The following C16orf89 variants were observed in gnomAD, a reference collection of about 807,000 sequenced individuals.
C16orf89 encodes the protein chromosome 16 open reading frame 89.
C16orf89 carries 57 observed loss-of-function variants against 41.5 expected under a neutral mutation model. That is an observed-to-expected ratio of 1.38 (90% CI 1.11 to 1.71). C16orf89 has a LOEUF of 1.71. Among genes scored for constraint, C16orf89 ranks in the 40% most tolerant of loss-of-function variants. C16orf89 has a pLI of 0.00. For missense variants in C16orf89, 575 were observed against 445.9 expected (o/e 1.29, Z -2.61); for synonymous variants, 223 against 190.6 (o/e 1.17, Z -1.40).
intron 7 of C16orf89, 82 bp downstream of exon 7, chr16:5,047,796 T>A: frequency 1.2e-6 from 1 of 820,470 alleles, no homozygotes; most frequent in East Asian, 2.6e-5. Context: ...TTTTCTTCCA[T>A]AGCAGAGAAT....
chr16:5,053,207 T>G (rs1293255455), intron 6 of C16orf89, among the ~76,000 whole-genome samples: 1 of 151,940 alleles, frequency 6.6e-6, no homozygotes, highest in Admixed American at 6.6e-5. Context: ...CCCTCTCTAC[T>G]AAAAATACAA....
chr16:5,060,490 T>C (rs975196468), intron 2 of C16orf89, 54 bp from the exon 3 acceptor site: 1 of 1,534,646 alleles, frequency 6.5e-7, no homozygotes, highest in Non-Finnish European at 8.9e-7. Flanking sequence ...CCAGGAGCAG[T>C]GGGCCACCCT....
chr16:5,057,996 A>G (rs988967352), intron 4 of C16orf89, among the ~76,000 whole-genome samples: 16 of 152,240 alleles, frequency 1.1e-4, no homozygotes, highest in African/African-American at 3.4e-4. Flanking sequence ...AATCGGCTCA[A>G]TTACACAGCA....
intron 5 of C16orf89, chr16:5,055,729 G>A: frequency 2.0e-6 from 3 of 1,474,260 alleles, no homozygotes; most frequent in Non-Finnish European, 2.7e-6. Context: ...GCAGCCTTTG[G>A]GGGCAGGAAA....
At chr16:5,063,792 G>A (rs1956677542) in intron 1 of C16orf89, among the ~76,000 whole-genome samples, 1 of 152,146 alleles carries the variant, frequency 6.6e-6, no homozygotes, top group African/African-American at 2.4e-5. Flanking sequence ...ATTCTACATT[G>A]TGGCGAGTTG....
At chr16:5,044,016 G>T, downstream of C16orf89, 2 of 626,766 alleles carry the variant, frequency 3.2e-6, no homozygotes, top group Non-Finnish European at 4.0e-6. Flanking sequence ...AAAAAAAAAG[G>T]AAAAAAGAAA....
rs372562360 is a variant in C16orf89 at position 5,055,315 on chromosome 16, A to C, written c.799T>G (p.Tyr267Asp). The C allele has an allele frequency of 1.4e-4, 224 of 1,613,154 alleles. 3 individuals are homozygous for C. In the South Asian group the frequency reaches 2.1e-3, roughly 15 times the overall value. Residue 267 changes from tyrosine to aspartate, a missense_variant, in exon 6 of 8, where the codon TAC becomes GAC. Tyr to Asp is a radical substitution (Grantham distance 160). Transcript: ENST00000472572. ...FCGMGGFSDF[Y>D]KLRWLEAILS... ...ATGGCCTCCAGCCACCGGAGCTTGT[A>C]GAAGTCGGAGAAGCCGCCCATTCCA... is the stretch of plus-strand genomic sequence containing the variant.
chr16:5,060,293 C>T lies in C16orf89; in HGVS notation c.502G>A (p.Gly168Arg). 6.2e-7 allele frequency: 1 copy of T among 1,608,692 alleles called. No individual in the cohort carries two copies. Among genetic ancestry groups the T allele is most frequent in the Non-Finnish European group, 8.5e-7 (1 of 1,177,212 alleles). ...RSDVCLVQLL[G>R]TGTDSSEPCG... ...GGCAAGTGCAGGGCCCACCCGGTTC[C>T]CAGCAGCTGCACCAGGCACACGTCA... The change falls in exon 3 of 8, where the codon GGA becomes AGA. Residue 168 changes from glycine (G) to arginine (R), a missense_variant. Physicochemically the swap from Gly to Arg is moderately radical, Grantham distance 125 (BLOSUM62 -2). Transcript: ENST00000472572.
At chr16:5,055,602 T>C (rs1025021329) in intron 5 of C16orf89, 77 of 1,371,816 alleles carry the variant, frequency 5.6e-5, no homozygotes, top group Non-Finnish European at 7.6e-5. Context: ...GTGGAGGAGT[T>C]TGGACACCCC....
intron 1 of C16orf89, 46 bp from the exon 2 acceptor site, chr16:5,062,620 C>A (rs777242737): frequency 6.6e-7 from 1 of 1,508,088 alleles, no homozygotes; most frequent in Non-Finnish European, 8.9e-7. Context: ...GGAATCGGGA[C>A]CTTTTTTTGC....
intron 4 of C16orf89, 25 bp downstream of exon 4, chr16:5,058,468 C>T (rs375535443): frequency 4.3e-5 from 67 of 1,556,842 alleles, no homozygotes; most frequent in Non-Finnish European, 5.1e-5. Context: ...TCCCCTGGCA[C>T]GGCGGGGGCT....
intron 6 of C16orf89, among the ~76,000 whole-genome samples, chr16:5,053,541 G>T (rs28887205): frequency 0.033 from 4,648 of 141,628 alleles, 107 homozygotes; most frequent in African/African-American, 0.072. Context: ...ACAATTTGTG[G>T]TTTTTTTTTT....
Position 5,055,407 on chromosome 16 carries a change from A to G in C16orf89, c.764-57T>C, listed in dbSNP as rs1160274899. Reference sequence around the variant, plus strand: ...CTGCCCCCCAGGCCCACCTCCTCCCACTCCCCAGGGCTGCCACGGTGCCAC... The same window carrying G: ...CTGCCCCCCAGGCCCACCTCCTCCCGCTCCCCAGGGCTGCCACGGTGCCAC... On this transcript the variant is annotated intron_variant, in intron 5 of 7. Transcript: ENST00000472572. The G allele has an allele frequency of 1.0e-5, 15 of 1,436,880 alleles. No homozygotes were observed. In the Admixed American group the frequency reaches 2.7e-4, roughly 26 times the overall value. 89.0% of individuals were successfully genotyped at this position (1,436,880 alleles called of 1,614,324 possible).
At chr16:5,044,571 G>T in intron 7 of C16orf89, 93 bp from the exon 8 acceptor site, 2 of 1,552,522 alleles carry the variant, frequency 1.3e-6, no homozygotes, top group Non-Finnish European at 8.7e-7. Context: ...AGCCAGACGC[G>T]GTGGCTCACA....
Position 5,062,410 on chromosome 16 carries a change from C to T in C16orf89, c.358+15G>A. 1 of 1,603,894 alleles carries T rather than the reference C, an allele frequency of 6.2e-7. No homozygotes were observed. On this transcript the variant is annotated intron_variant, in intron 2 of 7. Coordinates refer to ENST00000472572, the MANE Select transcript of C16orf89 (RefSeq NM_001098514.3). ...CGCTATTCCTGAGGGAATGGGACACCCTGCGTGTGCTCACCTCTTAGGTAC... is the reference window on the plus strand; with the variant it reads ...CGCTATTCCTGAGGGAATGGGACACTCTGCGTGTGCTCACCTCTTAGGTAC...
intron 4 of C16orf89, among the ~76,000 whole-genome samples, chr16:5,058,284 C>A (rs542273528): frequency 2.0e-5 from 3 of 151,966 alleles, no homozygotes; most frequent in Non-Finnish European, 4.4e-5. Flanking sequence ...CACGCCACCA[C>A]GTCCAGCTAA....
At chr16:5,065,230 A>G (rs1261063592) in intron 1 of C16orf89, among the ~76,000 whole-genome samples, 3 of 152,208 alleles carry the variant, frequency 2.0e-5, no homozygotes, top group African/African-American at 7.2e-5. Flanking sequence ...CTCAAAGCTA[A>G]ACAAACACTT....
intron 1 of C16orf89, 140 bp downstream of exon 1, chr16:5,065,560 TG>T: frequency 2.0e-6 from 2 of 1,008,718 alleles, no homozygotes; most frequent in Non-Finnish European, 2.9e-6. Context: ...ATCCAGCCCC[TG>T]GCCTCCTCTC....
chr16:5,057,915 CCT>C (rs1956543401), intron 4 of C16orf89, among the ~76,000 whole-genome samples: 2 of 151,814 alleles, frequency 1.3e-5, no homozygotes, highest in African/African-American at 2.4e-5. Flanking sequence ...TTTCTGATGC[CCT>C]ACAGTCCAGT....
Sources: allele counts gnomAD v4.1 joint callset (sites outside exome capture counted in the v4.1 genomes callset), GRCh38; gene constraint gnomAD v4.1.1; transcripts MANE v1.5; gene names NCBI Gene and HGNC (gene_info 2026-07-23, HGNC 2026-07-21).